The following TRIO variants were observed in gnomAD, a reference collection of about 807,000 sequenced individuals.
TRIO encodes the protein trio Rho guanine nucleotide exchange factor.
Under a neutral mutation model 351.9 loss-of-function variants are expected in TRIO, and 58 were observed. The ratio of observed to expected loss-of-function variants is 0.16; its 90% CI spans 0.13 to 0.21. The LOEUF is 0.21. Among genes scored for constraint, TRIO ranks in the 10% least tolerant of loss-of-function variants. The pLI, the probability that TRIO is intolerant of heterozygous loss-of-function variation, is 1.00. For missense variants in TRIO, 3,201 were observed against 4,027.8 expected (o/e 0.79, Z 5.56); for synonymous variants, 1,758 against 1,595.7 (o/e 1.10, Z -2.42).
Position 14,157,429 on chromosome 5 carries a change from CTCTCCCTG to C in TRIO, c.157+13555_157+13562del, listed in dbSNP as rs1234689335. On this transcript the variant is annotated intron_variant, in intron 1 of 56. Transcript: ENST00000344204. ...CGCCTCCCTCCCTGTGTCTCCCTCTCTCTCCCTGTCTCCCTCTCTCTCCCTGTCTCCCT... is the reference window on the plus strand; with the variant it reads ...CGCCTCCCTCCCTGTGTCTCCCTCTCTCTCCCTCTCTCTCCCTGTCTCCCT... Among the ~76,000 whole-genome samples the C allele has an allele frequency of 2.8e-4, 41 of 143,900 alleles. No individual in the cohort carries two copies. The East Asian group carries it at 8.3e-3, about 29-fold the overall frequency. The allele number at this position is 143,900 out of a possible 152,430, so 94.4% of individuals were successfully genotyped here.
chr5:14,364,937 C>T, intron 15 of TRIO, 121 bp downstream of exon 15: 1 of 1,280,754 alleles, frequency 7.8e-7, no homozygotes, highest in Non-Finnish European at 1.0e-6. Context: ...ACACAGCTTT[C>T]CTGATATGTA....
chr5:14,350,047 G>C (rs768969810), intron 11 of TRIO, among the ~76,000 whole-genome samples: 1 of 152,184 alleles, frequency 6.6e-6, no homozygotes, highest in Non-Finnish European at 1.5e-5. Flanking sequence ...TGTTGCAAAG[G>C]ACACGATCTT....
intron 8 of TRIO, among the ~76,000 whole-genome samples, chr5:14,309,757 G>A (rs181977088): frequency 1.3e-5 from 2 of 152,264 alleles, no homozygotes; most frequent in East Asian, 1.9e-4. Context: ...ACTGGATGCC[G>A]GGTCATGTGG....
intron 47 of TRIO, among the ~76,000 whole-genome samples, chr5:14,487,176 C>T (rs1293802285): frequency 6.6e-6 from 1 of 152,154 alleles, no homozygotes; most frequent in Non-Finnish European, 1.5e-5. Flanking sequence ...CAGTTGGTAG[C>T]TGGAGGAGTT....
chr5:14,180,834 C>T (rs1378807832), intron 1 of TRIO, among the ~76,000 whole-genome samples: 3 of 134,718 alleles, frequency 2.2e-5, no homozygotes, highest in African/African-American at 4.9e-5. Flanking sequence ...CCCATGTCCC[C>T]CCAGTGCCCC....
intron 11 of TRIO, among the ~76,000 whole-genome samples, chr5:14,338,994 T>C (rs972547721): frequency 6.6e-6 from 1 of 152,160 alleles, no homozygotes; most frequent in African/African-American, 2.4e-5. Flanking sequence ...AGTCACCTTT[T>C]CAACTCGGCA....
intron 34 of TRIO, among the ~76,000 whole-genome samples, chr5:14,436,773 C>T (rs751330520): frequency 6.6e-6 from 1 of 152,218 alleles, no homozygotes; most frequent in Non-Finnish European, 1.5e-5. Flanking sequence ...TCTCCTTTGA[C>T]TCCATGTCTC....
At chr5:14,366,804 T>G (rs1233977083) in intron 15 of TRIO, 56 bp from the exon 16 acceptor site, 1 of 1,609,774 alleles carries the variant, frequency 6.2e-7, no homozygotes, top group Admixed American at 1.7e-5. Flanking sequence ...CCCCTGGTGG[T>G]CCACAGGATT....
intron 33 of TRIO, 142 bp from the exon 34 acceptor site, chr5:14,419,636 T>TCC: frequency 1.9e-6 from 2 of 1,048,964 alleles, no homozygotes; most frequent in Non-Finnish European, 2.7e-6. Flanking sequence ...ATACGGAGAG[T>TCC]GCAGTGATCA....
At chr5:14,333,067 A>C (rs1741054276) in intron 10 of TRIO, among the ~76,000 whole-genome samples, 1 of 152,196 alleles carries the variant, frequency 6.6e-6, no homozygotes, top group South Asian at 2.1e-4. Flanking sequence ...TCCAGTGGAA[A>C]ATAATGAGAC....
chr5:14,481,886 G>A, intron 45 of TRIO: 1 of 405,258 alleles, frequency 2.5e-6, no homozygotes, highest in South Asian at 3.3e-5. Context: ...TGTCTCTTGG[G>A]CCCAGTACTG....
At chr5:14,324,679 C>T (rs9885134) in intron 9 of TRIO, among the ~76,000 whole-genome samples, 38,809 of 151,990 alleles carry the variant, frequency 0.26, 5,199 homozygotes, top group Middle Eastern at 0.3. Context: ...GTTACTTATC[C>T]GAGCCTCAAT....
chr5:14,497,715 G>T lies in TRIO; in HGVS notation c.8020-132G>T, dbSNP rs763622849. 35 of 1,162,858 alleles carry T rather than the reference G, an allele frequency of 3.0e-5. No individual in the cohort carries two copies. The highest frequency in any genetic ancestry group is 4.3e-5 in the Non-Finnish European group (34 of 782,978). 72.0% of individuals were successfully genotyped at this position (1,162,858 alleles called of 1,614,324 possible). ...AACTTTTGAGTGCAGTGAAAATGTG[G>T]TCTGTTTTGATTGATGCCCAGGCAA... On this transcript the variant is annotated intron_variant, in intron 50 of 56. Coordinates refer to ENST00000344204, the MANE Select transcript of TRIO (RefSeq NM_007118.4). This position sits in a 1 kb window ranked among gnomAD's most constrained non-coding sequence, Gnocchi z 4.4.
intron 32 of TRIO, chr5:14,406,198 G>A (rs1428479758): frequency 2.7e-6 from 2 of 744,212 alleles, no homozygotes; most frequent in South Asian, 1.9e-5. Context: ...ACGAAGGGCT[G>A]TGTGCAAACC....
rs533392791 is a variant in TRIO at position 14,510,038 on chromosome 5, T to A, written c.*1616T>A. 2.6e-5 allele frequency: 4 copies of A among 152,386 alleles called. No homozygotes were observed. The East Asian group carries it at 7.7e-4, about 29-fold the overall frequency. 9.4% of individuals were successfully genotyped at this position (152,386 alleles called of 1,614,324 possible). A position where few individuals can be genotyped will look rare whatever the true frequency, so the allele number is the denominator to read the frequency against. On this transcript the variant is annotated 3_prime_UTR_variant, in exon 57 of 57. Transcript: ENST00000344204. The stretch of plus-strand genomic sequence containing the variant: ...AACTGGATGTGTATTCGTAACCTCA[T>A]AATTTTTATTTGTGTATTGTTTCTT...
chr5:14,232,987 G>A (rs16903319), intron 1 of TRIO, among the ~76,000 whole-genome samples: 5,943 of 152,228 alleles, frequency 0.039, 404 homozygotes, highest in African/African-American at 0.14. Flanking sequence ...CCAGACTGCA[G>A]TTGATCAAAG....
At chr5:14,223,190 G>A (rs1792759919) in intron 1 of TRIO, among the ~76,000 whole-genome samples, 1 of 152,182 alleles carries the variant, frequency 6.6e-6, no homozygotes, top group Admixed American at 6.5e-5. Flanking sequence ...ATCCCTGAGA[G>A]TTCTTCCAGA....
At chr5:14,421,208 C>T (rs773230797) in intron 34 of TRIO, among the ~76,000 whole-genome samples, 7 of 132,232 alleles carry the variant, frequency 5.3e-5, no homozygotes, top group Non-Finnish European at 9.1e-5. Context: ...TCTTTTTTCC[C>T]TTATTTAATT....
chr5:14,496,899 C>T lies in TRIO; in HGVS notation c.7901C>T (p.Thr2634Ile), dbSNP rs1171604867. 12 of 1,613,980 alleles carry T rather than the reference C, an allele frequency of 7.4e-6. No individual in the cohort carries two copies. Among genetic ancestry groups the T allele is most frequent in the Middle Eastern group, 1.6e-4 (1 of 6,084 alleles). ...CCTAGGAAGTCAACATCTTGGCACA[C>T]AGCACTCCGTTTAAGGAAAAAATCT... The part of the protein sequence containing the change: ...GTLKKSTSWH[T>I]ALRLRKKSEK... Residue 2634 changes from threonine (T) to isoleucine (I), a missense_variant, in exon 50 of 57, where the codon ACA becomes ATA. This residue lies in a region of TRIO where 1,089 missense variants were observed against 954.9 expected (regional missense o/e 1.14). Transcript: ENST00000344204.
Sources: gnomAD v4.1 joint callset for allele counts (sites outside exome capture counted in the v4.1 genomes callset) on GRCh38, gnomAD v4.1.1 for gene constraint, gnomAD v4.1.1 regional missense constraint, Gnocchi (gnomAD v3.1) non-coding constraint, MANE v1.5 for transcripts, NCBI Gene and HGNC (gene_info 2026-07-23, HGNC 2026-07-21) for gene names.